Variants in ANKRD28 observed in about 807,000 individuals in gnomAD.
ANKRD28 encodes the protein serine/threonine-protein phosphatase 6 regulatory ankyrin repeat subunit A.
In ANKRD28, 44 loss-of-function variants were observed where a neutral mutation model predicts 126.5. That is an observed-to-expected ratio of 0.35 (90% confidence interval 0.27 to 0.45). ANKRD28 has a LOEUF of 0.45. ANKRD28 is among the 20% of genes least tolerant of loss of function. The pLI is 1.00. For missense variants in ANKRD28, 1,110 were observed against 1,316.6 expected (o/e 0.84, Z 2.43); for synonymous variants, 442 against 468.5 (o/e 0.94, Z 0.73).
chr3:15,687,586 A>G (rs2068281525), intron 18 of ANKRD28, among the ~76,000 whole-genome samples: 1 of 152,202 alleles, frequency 6.6e-6, no homozygotes, highest in South Asian at 2.1e-4. Flanking sequence ...ATTTCTTCTA[A>G]TTAAAAGATG....
At chr3:15,679,643 G>C (rs2067312746) in intron 21 of ANKRD28, 80 bp from the exon 22 acceptor site, 1 of 1,109,186 alleles carries the variant, frequency 9.0e-7, no homozygotes, top group South Asian at 1.4e-5. Flanking sequence ...AGTGTTTAAA[G>C]GAAAAATGTA....
intron 5 of ANKRD28, among the ~76,000 whole-genome samples, chr3:15,736,793 T>C (rs2075044750): frequency 6.6e-6 from 1 of 152,224 alleles, no homozygotes; most frequent in South Asian, 2.1e-4. Context: ...GAACATACTT[T>C]TCCTGTTGTG....
chr3:15,754,383 G>A lies in ANKRD28; in HGVS notation c.281-2563C>T, dbSNP rs577983708. ...ATGCTTGTGTTCAAGTAACCCTTAC[G>A]TTACTTAATAATGGCCCCAAGGTGC... On this transcript the variant is annotated intron_variant, in intron 3 of 27. Coordinates refer to ENST00000683139, the MANE Select transcript of ANKRD28 (RefSeq NM_001349278.2). Among the ~76,000 whole-genome samples the A allele has an allele frequency of 1.8e-4, 27 of 152,118 alleles. No homozygotes were observed. The East Asian group carries it at 4.2e-3, about 24-fold the overall frequency.
chr3:15,822,226 A>G (rs1452281143), intron 1 of ANKRD28, among the ~76,000 whole-genome samples: 1 of 152,190 alleles, frequency 6.6e-6, no homozygotes, highest in Non-Finnish European at 1.5e-5. Flanking sequence ...AGCTTGGCTG[A>G]GCATTATGTA....
intron 12 of ANKRD28, 30 bp downstream of exon 12, chr3:15,711,181 C>A: frequency 6.4e-7 from 1 of 1,574,752 alleles, no homozygotes; most frequent in Non-Finnish European, 8.7e-7. Flanking sequence ...GCTATCTTTT[C>A]TTAAAGAAAT....
chr3:15,828,985 C>G (rs955419280), intron 1 of ANKRD28, among the ~76,000 whole-genome samples: 2 of 152,136 alleles, frequency 1.3e-5, no homozygotes, highest in Non-Finnish European at 2.9e-5. Context: ...AGTAACCATA[C>G]CCAGCAAGAG....
intron 18 of ANKRD28, among the ~76,000 whole-genome samples, chr3:15,688,241 T>C (rs1400873062): frequency 6.6e-6 from 1 of 152,230 alleles, no homozygotes; most frequent in African/African-American, 2.4e-5. Context: ...TAGATTAATA[T>C]TTTTAAAATG....
chr3:15,808,029 C>T (rs1405684010), intron 1 of ANKRD28, among the ~76,000 whole-genome samples: 1 of 152,120 alleles, frequency 6.6e-6, no homozygotes, highest in African/African-American at 2.4e-5. Context: ...GTTTTTAAAT[C>T]CCAATTTCAC....
At chr3:15,700,776 C>T (rs945581832) in intron 14 of ANKRD28, among the ~76,000 whole-genome samples, 1 of 151,870 alleles carries the variant, frequency 6.6e-6, no homozygotes, top group African/African-American at 2.4e-5. Flanking sequence ...GCAAAAGAAA[C>T]ACAACAGTAT....
At chr3:15,709,082 C>T (rs974242530) in intron 13 of ANKRD28, among the ~76,000 whole-genome samples, 2 of 152,160 alleles carry the variant, frequency 1.3e-5, no homozygotes, top group Admixed American at 1.3e-4. Context: ...ACCACAAATA[C>T]TCAACAATGA....
intron 4 of ANKRD28, among the ~76,000 whole-genome samples, chr3:15,749,101 G>GTTTTTTTTTTTTTTTT (rs869266246): frequency 1.3e-4 from 7 of 53,082 alleles, no homozygotes; most frequent in East Asian, 1.3e-3. Context: ...TTATGTTTTT[G>GTTTTTTTTTTTTTTTT]TTTTTTTTTT....
intron 1 of ANKRD28, among the ~76,000 whole-genome samples, chr3:15,837,651 T>C (rs1351924177): frequency 6.6e-6 from 1 of 151,966 alleles, no homozygotes; most frequent in African/African-American, 2.4e-5. Context: ...AATGCAGTGT[T>C]TAGAGGGAAA....
rs2066039862 is a variant in ANKRD28, at chr3:15,667,461, A to G, written c.*2809T>C. On this transcript the variant is annotated 3_prime_UTR_variant, in exon 28 of 28. Transcript: ENST00000683139. ...TCAGATATTTCAGATGTCATCTTTTATGTATAAGTTAAATAAAGCAAACAG... is the reference window on the plus strand; with the variant it reads ...TCAGATATTTCAGATGTCATCTTTTGTGTATAAGTTAAATAAAGCAAACAG... 2 of 152,358 alleles carry G rather than the reference A, an allele frequency of 1.3e-5. No homozygotes were observed. The highest frequency in any genetic ancestry group is 4.1e-4 in the South Asian group (2 of 4,828). 9.4% of individuals were successfully genotyped at this position (152,358 alleles called of 1,614,324 possible).
Position 15,685,386 on chromosome 3 carries a change from T to C in ANKRD28, c.2229A>G (p.Leu743=), listed in dbSNP as rs181485631. The part of the protein sequence containing the change: ...DALLQHGAKC[L]LRDSRGRTPI... ...GCGTCCGGCCCCTGCTATCCCGAAGTAAGCACTTAGCACCATGTTGAAGTA... is the reference window on the plus strand; with the variant it reads ...GCGTCCGGCCCCTGCTATCCCGAAGCAAGCACTTAGCACCATGTTGAAGTA... The change falls in exon 21 of 28, where the codon TTA becomes TTG. Residue 743 remains leucine (L), a synonymous_variant. Transcript: ENST00000683139. The C allele has an allele frequency of 3.5e-4, 563 of 1,614,020 alleles. 2 individuals are homozygous for C. In the African/African-American group the frequency reaches 5.9e-3, roughly 17 times the overall value.
intron 4 of ANKRD28, among the ~76,000 whole-genome samples, chr3:15,745,805 T>C (rs150681427): frequency 2.0e-5 from 3 of 152,230 alleles, no homozygotes; most frequent in African/African-American, 7.2e-5. Context: ...TTTGGCAGCA[T>C]GGTCATTTTT....
chr3:15,696,320 T>A, intron 14 of ANKRD28, 75 bp from the exon 15 acceptor site: 1 of 945,570 alleles, frequency 1.1e-6, no homozygotes, highest in African/African-American at 1.6e-5. Context: ...AGACTGAAAT[T>A]AAAAACTGAC....
chr3:15,720,167 A>G (rs1469789248), intron 8 of ANKRD28, among the ~76,000 whole-genome samples: 1 of 152,054 alleles, frequency 6.6e-6, no homozygotes, highest in Non-Finnish European at 1.5e-5. Context: ...CCAGCCCAGA[A>G]TTTTCACATA....
intron 18 of ANKRD28, 51 bp downstream of exon 18, chr3:15,689,968 A>C: frequency 6.9e-7 from 1 of 1,448,140 alleles, no homozygotes; most frequent in African/African-American, 1.4e-5. Context: ...GAAATTGAAA[A>C]AAAGTATTGG....
At chr3:15,671,586 T>TG (rs1459176446) in intron 27 of ANKRD28, among the ~76,000 whole-genome samples, 1 of 150,734 alleles carries the variant, frequency 6.6e-6, no homozygotes, top group African/African-American at 2.5e-5. Context: ...TAGTTTTTTT[T>TG]TTGTTTTTTT....
Sources: allele counts gnomAD v4.1 joint callset (sites outside exome capture counted in the v4.1 genomes callset), GRCh38; gene constraint gnomAD v4.1.1; transcripts MANE v1.5; gene names NCBI Gene and HGNC (gene_info 2026-07-23, HGNC 2026-07-21).